The following DPH6 variants were observed in gnomAD, a reference collection of about 807,000 sequenced individuals.
DPH6 encodes diphthine--ammonia ligase.
In DPH6, 33 loss-of-function variants were observed where a neutral mutation model predicts 38.2. That is an observed-to-expected ratio of 0.86 (90% CI 0.65 to 1.15). The LOEUF is 1.15. Among genes scored for constraint, DPH6 ranks in the 50% most tolerant of loss-of-function variants. The probability of loss-of-function intolerance (pLI) is 0.00; values close to 1 mark genes in which losing one functional copy is unlikely to be tolerated. For missense variants in DPH6, 325 were observed against 320.0 expected (o/e 1.02, Z -0.12); for synonymous variants, 108 against 103.0 (o/e 1.05, Z -0.30).
At chr15:35,537,927 A>C (rs532434069) in intron 3 of DPH6, among the ~76,000 whole-genome samples, 2 of 152,112 alleles carry the variant, frequency 1.3e-5, no homozygotes, top group African/African-American at 4.8e-5. Flanking sequence ...AGTGTCTAGC[A>C]CTATATGCCA....
chr15:35,537,398 T>C (rs532240834), intron 3 of DPH6, among the ~76,000 whole-genome samples: 235 of 152,276 alleles, frequency 1.5e-3, no homozygotes, highest in African/African-American at 5.4e-3. Flanking sequence ...ATCTGCCTTA[T>C]ATGAATCGAT....
intron 3 of DPH6, among the ~76,000 whole-genome samples, chr15:35,320,106 T>G (rs1385353647): frequency 2.0e-5 from 3 of 152,202 alleles, no homozygotes; most frequent in Non-Finnish European, 1.5e-5. Flanking sequence ...CACGAATCAT[T>G]TCATTTTCAT....
intron 3 of DPH6, among the ~76,000 whole-genome samples, chr15:35,350,696 C>A (rs903129416): frequency 6.6e-6 from 1 of 152,128 alleles, no homozygotes; most frequent in African/African-American, 2.4e-5. Flanking sequence ...TTGATTCATT[C>A]ATCATTCAAG....
intron 3 of DPH6, among the ~76,000 whole-genome samples, chr15:35,268,838 A>G (rs2051802427): frequency 6.6e-6 from 1 of 152,102 alleles, no homozygotes; most frequent in Non-Finnish European, 1.5e-5. Flanking sequence ...GGAAAATCAG[A>G]TAGGAAAAAC....
chr15:35,487,771 C>T (rs891405188), intron 3 of DPH6, among the ~76,000 whole-genome samples: 4 of 152,230 alleles, frequency 2.6e-5, no homozygotes, highest in Non-Finnish European at 5.9e-5. Flanking sequence ...TTGAATTTCT[C>T]CCCAGAAAGT....
chr15:35,381,634 G>T (rs1295499831), intron 7 of DPH6, among the ~76,000 whole-genome samples, 188 bp downstream of exon 7: 1 of 152,114 alleles, frequency 6.6e-6, no homozygotes, highest in Non-Finnish European at 1.5e-5. Context: ...CTTCTATGAA[G>T]GCCTCGTCTT....
chr15:35,146,981 GGA>G, the DPH6 span, among the ~76,000 whole-genome samples: 1 of 152,158 alleles, frequency 6.6e-6, no homozygotes, highest in Admixed American at 6.5e-5. Flanking sequence ...TTTTTCTGGA[GGA>G]AACACTGGTT....
At chr15:35,232,968 CA>C (rs2051528298) in intron 3 of DPH6, among the ~76,000 whole-genome samples, 1 of 151,866 alleles carries the variant, frequency 6.6e-6, no homozygotes, top group African/African-American at 2.4e-5. Flanking sequence ...AGACAATTAG[CA>C]AAATAAAGTA....
chr15:35,227,159 C>G (rs2051487221), intron 3 of DPH6, among the ~76,000 whole-genome samples: 1 of 142,784 alleles, frequency 7.0e-6, no homozygotes. Flanking sequence ...TCTGCAATAT[C>G]AGTTATAACA....
chr15:35,299,316 C>T lies in DPH6; in HGVS notation n.200+74205G>A, dbSNP rs2052037688. ...GGGCAAGAACTGTACCTTGTTTCGT[C>T]CTTTGGCTCTTTGCCTGAGTGAGAG... On this transcript the variant is annotated intron_variant and non_coding_transcript_variant, in intron 3 of 3. Coordinates refer to the DPH6 transcript ENST00000560386. The T allele has an allele frequency of 1.1e-5, 11 of 1,035,314 alleles. No homozygotes were observed. In the South Asian group the frequency reaches 1.1e-4, roughly 11 times the overall value. 64.1% of individuals were successfully genotyped at this position (1,035,314 alleles called of 1,614,324 possible).
At chr15:35,216,067 C>T (rs1224526312), downstream of DPH6, among the ~76,000 whole-genome samples, 1 of 152,186 alleles carries the variant, frequency 6.6e-6, no homozygotes, top group Non-Finnish European at 1.5e-5. Context: ...AGTTAAATAG[C>T]TTTTCCAAAA....
chr15:35,209,150 T>C, the DPH6 span, among the ~76,000 whole-genome samples: 7 of 152,290 alleles, frequency 4.6e-5, no homozygotes, highest in African/African-American at 1.7e-4. Flanking sequence ...CCTTTTTACT[T>C]AGCAATCTTA....
intron 3 of DPH6, among the ~76,000 whole-genome samples, chr15:35,239,798 C>A (rs201301866): frequency 2.8e-5 from 4 of 140,736 alleles, no homozygotes; most frequent in Admixed American, 1.6e-4. Context: ...GGGGCAAGAA[C>A]CCCCCAATCG....
chr15:35,229,228 A>G (rs2051501636), intron 3 of DPH6, among the ~76,000 whole-genome samples: 1 of 151,598 alleles, frequency 6.6e-6, no homozygotes, highest in Non-Finnish European at 1.5e-5. Context: ...GGTTTGCTTC[A>G]TTGTTTTGTT....
chr15:35,507,633 C>T (rs1332383252), intron 3 of DPH6, among the ~76,000 whole-genome samples: 2 of 152,052 alleles, frequency 1.3e-5, no homozygotes, highest in Non-Finnish European at 2.9e-5. Flanking sequence ...TAATACAGTA[C>T]AATTCTGAAC....
intron 7 of DPH6, among the ~76,000 whole-genome samples, chr15:35,377,323 C>A (rs1426433943): frequency 6.7e-6 from 1 of 149,122 alleles, no homozygotes; most frequent in Admixed American, 6.7e-5. Context: ...TTCCGTCCAC[C>A]CATCCATCCA....
chr15:35,404,951 A>T (rs564965164), intron 6 of DPH6, among the ~76,000 whole-genome samples: 2 of 152,248 alleles, frequency 1.3e-5, no homozygotes, highest in East Asian at 3.9e-4. Context: ...ATAGATGTCT[A>T]GTTTTCCCTA....
At chr15:35,183,341 C>A in the DPH6 span, among the ~76,000 whole-genome samples, 1 of 152,170 alleles carries the variant, frequency 6.6e-6, no homozygotes, top group Non-Finnish European at 1.5e-5. Context: ...GTTAGTTCTA[C>A]AGCACAATGC....
the DPH6 span, among the ~76,000 whole-genome samples, chr15:35,152,320 A>C: frequency 6.6e-6 from 1 of 152,066 alleles, no homozygotes; most frequent in Non-Finnish European, 1.5e-5. Flanking sequence ...TAAGTTAGGA[A>C]CCACTGCATA....
Sources: allele counts gnomAD v4.1 joint callset (sites outside exome capture counted in the v4.1 genomes callset), GRCh38; gene constraint gnomAD v4.1.1; transcripts MANE v1.5; gene names NCBI Gene and HGNC (gene_info 2026-07-23, HGNC 2026-07-21).